Variants in PTPRT observed in about 807,000 individuals in gnomAD.
PTPRT encodes receptor-type tyrosine-protein phosphatase T.
In PTPRT, 56 loss-of-function variants were observed where a neutral mutation model predicts 176.8. The observed-to-expected ratio is 0.32, with a 90% CI of 0.26 to 0.40. The LOEUF (loss-of-function observed/expected upper bound fraction) is 0.40, where lower values mean the gene tolerates loss of function less well. Among genes scored for constraint, PTPRT ranks in the 10% least tolerant of loss-of-function variants. The pLI, the probability that PTPRT is intolerant of heterozygous loss-of-function variation, is 1.00. For synonymous variants in PTPRT, 783 were observed against 739.0 expected, an observed-to-expected ratio of 1.06 and a Z score of -0.96; for missense variants, 1,540 against 1,908.2, an observed-to-expected ratio of 0.81 and a Z score of 3.60.
chr20:42,673,792 T>G (rs1202990915), intron 7 of PTPRT, among the ~76,000 whole-genome samples: 2 of 152,184 alleles, frequency 1.3e-5, no homozygotes, highest in Admixed American at 1.3e-4. Flanking sequence ...AAGTATTCAG[T>G]CTATAGCAAT....
intron 8 of PTPRT, among the ~76,000 whole-genome samples, chr20:42,454,458 A>G (rs1371544582): frequency 1.3e-5 from 2 of 152,148 alleles, no homozygotes; most frequent in Non-Finnish European, 2.9e-5. Flanking sequence ...GCCCCAAGCA[A>G]TGTTCTGAAA....
intron 2 of PTPRT, among the ~76,000 whole-genome samples, chr20:42,813,409 T>A (rs891110778): frequency 6.7e-6 from 1 of 150,084 alleles, no homozygotes; most frequent in African/African-American, 2.4e-5. Flanking sequence ...CCTTGCCCCC[T>A]CCCTTCCTCT....
intron 7 of PTPRT, among the ~76,000 whole-genome samples, chr20:42,671,745 C>G (rs1018701631): frequency 4.6e-5 from 7 of 152,102 alleles, no homozygotes; most frequent in Non-Finnish European, 7.4e-5. Context: ...GCTCTCATAC[C>G]TATATCTCAT....
At chr20:43,140,476 G>A (rs1025591923) in intron 1 of PTPRT, among the ~76,000 whole-genome samples, 1 of 83,268 alleles carries the variant, frequency 1.2e-5, no homozygotes, top group South Asian at 4.6e-4. Flanking sequence ...GTGTGTGTGT[G>A]TGTGTGTGTG....
At chr20:42,101,833 G>A (rs1985964607) in intron 26 of PTPRT, among the ~76,000 whole-genome samples, 1 of 152,216 alleles carries the variant, frequency 6.6e-6, no homozygotes. Context: ...GTGGGGAATG[G>A]AAGAGGTTGC....
intron 1 of PTPRT, among the ~76,000 whole-genome samples, chr20:43,090,198 A>G (rs1044448461): frequency 9.2e-5 from 14 of 152,210 alleles, no homozygotes; most frequent in African/African-American, 3.4e-4. Flanking sequence ...AAGAACTTTC[A>G]CAGAACCCTT....
At position 42,852,602 on chromosome 20, in the gene PTPRT, G is replaced by C. The variant is rs531989145; in HGVS notation, c.214+33205C>G. 2.0e-4 allele frequency among the ~76,000 whole-genome samples: 30 copies of C among 152,230 alleles called. No individual in the cohort carries two copies. The East Asian group carries it at 5.2e-3, about 26-fold the overall frequency. On this transcript the variant is annotated intron_variant, in intron 2 of 30. Transcript: ENST00000373187. ...CTATGTCCTTTGATTTTCAGAGCCA[G>C]AGTATTTTTTCTTTTCCATCAGTTT...
At chr20:42,493,505 T>C (rs2071597670) in intron 7 of PTPRT, among the ~76,000 whole-genome samples, 1 of 152,170 alleles carries the variant, frequency 6.6e-6, no homozygotes, top group Non-Finnish European at 1.5e-5. Flanking sequence ...CCCTATAAAG[T>C]AGGTGTTGAA....
At chr20:42,281,014 G>A (rs2057130097) in intron 13 of PTPRT, among the ~76,000 whole-genome samples, 2 of 152,104 alleles carry the variant, frequency 1.3e-5, no homozygotes, top group South Asian at 4.2e-4. Flanking sequence ...CCACCGAGGA[G>A]CCATAGAGCA....
intron 17 of PTPRT, among the ~76,000 whole-genome samples, chr20:42,154,879 G>A (rs1989285789): frequency 6.6e-6 from 1 of 152,194 alleles, no homozygotes; most frequent in Non-Finnish European, 1.5e-5. Context: ...GCAGGCTGGG[G>A]AGGAGGGAGG....
In PTPRT at chr20:42,342,201, A is replaced by G. The variant is rs548260716; in HGVS notation, c.1865+8427T>C. Among the ~76,000 whole-genome samples, 5 of 152,306 alleles carry G rather than the reference A, an allele frequency of 3.3e-5. No homozygotes were observed. In the South Asian group the frequency reaches 6.2e-4, roughly 19 times the overall value. On this transcript the variant is annotated intron_variant, in intron 11 of 30. Transcript: ENST00000373187. ...ACATAACCCTTCAATATGTATCCCA[A>G]TGGTTGGCATATGTAGACTGTGGGA...
At chr20:42,605,577 T>A (rs2073861805) in intron 7 of PTPRT, among the ~76,000 whole-genome samples, 1 of 152,204 alleles carries the variant, frequency 6.6e-6, no homozygotes. Flanking sequence ...TATCCAAATA[T>A]GCTTCATACC....
At chr20:42,648,820 G>GTTTTTTTTTTTTTT (rs68036487) in intron 7 of PTPRT, among the ~76,000 whole-genome samples, 4 of 111,834 alleles carry the variant, frequency 3.6e-5, no homozygotes, top group African/African-American at 1.5e-4. Flanking sequence ...TGGTGTCGTT[G>GTTTTTTTTTTTTTT]TTTTTTTTTT....
In PTPRT at chr20:42,777,127, T is replaced by A. The variant is rs76552333; in HGVS notation, c.568+3091A>T. On this transcript the variant is annotated intron_variant, in intron 4 of 30. Transcript: ENST00000373187. ...TTTCTTCCTCCTAGGTCTCCCGACA[T>A]CTTCTCTATGGTCCTCCAACACAGA... Among the ~76,000 whole-genome samples the A allele has an allele frequency of 5.4e-3, 818 of 152,224 alleles. 7 individuals carry two copies. The highest frequency in any genetic ancestry group is 0.019 in the African/African-American group (786 of 41,518).
At position 43,008,615 on chromosome 20, in the gene PTPRT, C is replaced by T. The variant is rs1320052781; in HGVS notation, c.89-122683G>A. Among the ~76,000 whole-genome samples, 12 of 152,066 alleles carry T rather than the reference C, an allele frequency of 7.9e-5. No homozygotes were observed. In the South Asian group the frequency reaches 1.7e-3, roughly 21 times the overall value. On this transcript the variant is annotated intron_variant, in intron 1 of 30. Coordinates refer to ENST00000373187, the MANE Select transcript of PTPRT (RefSeq NM_007050.6). The stretch of plus-strand genomic sequence containing the variant: ...CTGAGGTGGAGGCATCACTTGCATC[C>T]GGGAGATGGAGGTTGCAGTGAGCCG...
At chr20:42,134,817 A>G (rs1196719901) in intron 18 of PTPRT, among the ~76,000 whole-genome samples, 2 of 152,194 alleles carry the variant, frequency 1.3e-5, no homozygotes, top group Non-Finnish European at 2.9e-5. Context: ...GCTACAGAAC[A>G]CCACTGACAG....
intron 2 of PTPRT, among the ~76,000 whole-genome samples, chr20:42,881,761 A>G (rs1456740355): frequency 2.0e-5 from 3 of 151,304 alleles, no homozygotes; most frequent in Non-Finnish European, 4.4e-5. Flanking sequence ...AGAGAGAGAG[A>G]CAACCAAAGA....
chr20:42,217,892 A>G (rs534613134), intron 15 of PTPRT, among the ~76,000 whole-genome samples: 7 of 152,364 alleles, frequency 4.6e-5, no homozygotes, highest in African/African-American at 1.7e-4. Context: ...TTTTAAACAT[A>G]GCTCCGATTT....
chr20:42,058,512 A>G, the PTPRT span, among the ~76,000 whole-genome samples: 7 of 152,214 alleles, frequency 4.6e-5, no homozygotes, highest in African/African-American at 1.7e-4. Context: ...CCGGCTCACA[A>G]ATTATTCCAG....
Sources: gnomAD v4.1 joint callset for allele counts (sites outside exome capture counted in the v4.1 genomes callset) on GRCh38, gnomAD v4.1.1 for gene constraint, MANE v1.5 for transcripts, NCBI Gene and HGNC (gene_info 2026-07-23, HGNC 2026-07-21) for gene names.